The following CDK19 variants were observed in gnomAD, a reference collection of about 807,000 sequenced individuals.
CDK19 encodes the protein cyclin-dependent kinase 19.
A neutral mutation model predicts 68.3 loss-of-function variants in CDK19; 20 were observed. That is an observed-to-expected ratio of 0.29 (90% CI 0.21 to 0.43). The LOEUF (loss-of-function observed/expected upper bound fraction) is 0.43. CDK19 is among the 20% of genes least tolerant of loss of function. The probability of loss-of-function intolerance (pLI) is 1.00; values close to 1 mark genes in which losing one functional copy is unlikely to be tolerated. For synonymous variants in CDK19, 221 were observed against 222.8 expected (o/e 0.99, Z 0.07); for missense variants, 339 against 623.5 (o/e 0.54, Z 4.86).
At chr6:110,763,414 GTTT>G (rs1171650120) in intron 1 of CDK19, among the ~76,000 whole-genome samples, 4 of 120,006 alleles carry the variant, frequency 3.3e-5, no homozygotes, top group Admixed American at 8.6e-5. Context: ...CTCTTATTAT[GTTT>G]TTTTTTTTTT....
At chr6:110,800,331 T>C (rs1246688603) in intron 1 of CDK19, among the ~76,000 whole-genome samples, 1 of 152,110 alleles carries the variant, frequency 6.6e-6, no homozygotes, top group Non-Finnish European at 1.5e-5. Flanking sequence ...CAACCAAAAA[T>C]AGCCCTGGAC....
chr6:110,633,370 T>C (rs1779568199), intron 5 of CDK19, among the ~76,000 whole-genome samples: 1 of 152,190 alleles, frequency 6.6e-6, no homozygotes, highest in Non-Finnish European at 1.5e-5. Flanking sequence ...AATTCTGCAT[T>C]CAATGACAGC....
intron 2 of CDK19, among the ~76,000 whole-genome samples, chr6:110,696,531 C>T (rs1773499842): frequency 6.6e-6 from 1 of 152,142 alleles, no homozygotes; most frequent in African/African-American, 2.4e-5. Flanking sequence ...GAAAGGGCAT[C>T]CACATTGGTA....
chr6:110,781,300 C>T (rs969720216), intron 1 of CDK19, among the ~76,000 whole-genome samples: 8 of 151,998 alleles, frequency 5.3e-5, no homozygotes, highest in African/African-American at 1.4e-4. Context: ...GGAGGGATAT[C>T]CCAGATTCTT....
chr6:110,646,355 C>T lies in CDK19; in HGVS notation c.457-7649G>A, dbSNP rs1780575631. On this transcript the variant is annotated intron_variant, in intron 4 of 12. Transcript: ENST00000368911. Reference sequence around the variant, plus strand: ...ACGACGGCATGCACTTCGAGTGCCTCTTCCATGTGGGCGACAGCGCCAACG... The same window carrying T: ...ACGACGGCATGCACTTCGAGTGCCTTTTCCATGTGGGCGACAGCGCCAACG... 4 of 1,465,180 alleles carry T rather than the reference C, an allele frequency of 2.7e-6. No individual in the cohort carries two copies. In the Admixed American group the frequency reaches 1.0e-4, roughly 37 times the overall value. 90.8% of individuals were successfully genotyped at this position (1,465,180 alleles called of 1,614,324 possible).
At position 110,746,130 on chromosome 6, in the gene CDK19, A is replaced by G. The variant is rs1778060362; in HGVS notation, c.200T>C (p.Ile67Thr). The G allele has an allele frequency of 6.4e-7, 1 of 1,564,204 alleles. No homozygotes were observed. Among genetic ancestry groups the G allele is most frequent in the African/African-American group, 1.4e-5 (1 of 73,038 alleles). Residue 67 changes from isoleucine to threonine, a missense_variant, in exon 2 of 13, where the codon ATT becomes ACT. Ile to Thr is a moderately conservative substitution (Grantham distance 89). This residue lies in a region of CDK19 where 120 missense variants were observed against 224.0 expected (regional missense o/e 0.54). Transcript: ENST00000368911. ...ACTGTATTTGTATCCACTTACTGCA[A>G]TCTCTCTACAAGCCGACATGGATAT... ...TGISMSACREIALLRELKHPN... is the reference protein window; with the variant it reads ...TGISMSACRETALLRELKHPN...
chr6:110,787,317 T>C (rs1439009756), intron 1 of CDK19, among the ~76,000 whole-genome samples: 1 of 152,166 alleles, frequency 6.6e-6, no homozygotes, highest in Non-Finnish European at 1.5e-5. Flanking sequence ...GAGTTTGCAG[T>C]GAGTGGAGAT....
intron 2 of CDK19, among the ~76,000 whole-genome samples, chr6:110,683,174 CAAAAA>C (rs58912406): frequency 4.0e-5 from 2 of 49,578 alleles, no homozygotes; most frequent in South Asian, 7.7e-4. Context: ...AGACTGTCTC[CAAAAA>C]AAAAAAAAAA....
intron 1 of CDK19, among the ~76,000 whole-genome samples, chr6:110,759,267 T>A (rs536110325): frequency 3.1e-4 from 46 of 150,338 alleles, no homozygotes; most frequent in African/African-American, 1.0e-3. Flanking sequence ...TAGCCAGGCA[T>A]GGTGGCGGGT....
intron 2 of CDK19, among the ~76,000 whole-genome samples, chr6:110,712,837 G>T (rs145109254): frequency 6.6e-6 from 1 of 152,194 alleles, no homozygotes; most frequent in African/African-American, 2.4e-5. Context: ...TGAAACTAAC[G>T]GTAAGAAGTT....
At chr6:110,706,547 T>TG (rs1659681165) in intron 2 of CDK19, 2 of 152,006 alleles carry the variant, frequency 1.3e-5, no homozygotes, top group South Asian at 4.2e-4. Flanking sequence ...CCTAAGTAGC[T>TG]GGGATTACAG....
chr6:110,711,560 G>GA (rs199653777), intron 2 of CDK19, among the ~76,000 whole-genome samples: 16 of 148,526 alleles, frequency 1.1e-4, no homozygotes, highest in South Asian at 4.2e-4. Context: ...GTAGCAAAAA[G>GA]AAAAAAAAAA....
intron 12 of CDK19, among the ~76,000 whole-genome samples, chr6:110,617,856 C>CAAAAAA: frequency 5.8e-5 from 1 of 17,360 alleles, no homozygotes; most frequent in East Asian, 1.5e-3. Context: ...GACTCTGTCT[C>CAAAAAA]AAAAAAAAAA....
intron 2 of CDK19, among the ~76,000 whole-genome samples, chr6:110,727,248 G>A (rs746564067): frequency 2.0e-5 from 3 of 151,736 alleles, no homozygotes; most frequent in East Asian, 1.9e-4. Flanking sequence ...CCAGACCCTC[G>A]CCATACCCCT....
rs117175538 is a variant in CDK19, at chr6:110,641,709, T to C, written c.457-3003A>G. On this transcript the variant is annotated intron_variant, in intron 4 of 12. Coordinates refer to ENST00000368911, the MANE Select transcript of CDK19 (RefSeq NM_015076.5). The stretch of plus-strand genomic sequence containing the variant: ...AGGAGGGACAAGGCAGAGGGCAGAT[T>C]ATGAAAACTATCAATATAGAAAGAA... Among the ~76,000 whole-genome samples the C allele has an allele frequency of 8.4e-3, 1,209 of 143,584 alleles. 9 individuals are homozygous for C. The highest frequency in any genetic ancestry group is 0.013 in the Non-Finnish European group (829 of 65,252). 94.2% of individuals were successfully genotyped at this position (143,584 alleles called of 152,430 possible).
intron 1 of CDK19, among the ~76,000 whole-genome samples, chr6:110,781,153 C>T (rs1019827017): frequency 1.3e-5 from 2 of 152,102 alleles, no homozygotes; most frequent in Middle Eastern, 3.2e-3. Context: ...TTTTATTTGG[C>T]TCATGGTTCT....
At chr6:110,716,315 TA>T (rs901134622) in intron 2 of CDK19, among the ~76,000 whole-genome samples, 42 of 151,658 alleles carry the variant, frequency 2.8e-4, no homozygotes, top group African/African-American at 8.9e-4. Context: ...TTTCTATATA[TA>T]AAAAAAAGCA....
chr6:110,739,713 C>T (rs955103347), intron 2 of CDK19, among the ~76,000 whole-genome samples: 1 of 151,692 alleles, frequency 6.6e-6, no homozygotes, highest in Non-Finnish European at 1.5e-5. Context: ...TCACTGTAAC[C>T]TCTAACTCCT....
intron 2 of CDK19, among the ~76,000 whole-genome samples, chr6:110,693,328 G>C (rs1773187029): frequency 1.3e-5 from 2 of 152,242 alleles, no homozygotes; most frequent in South Asian, 4.1e-4. Flanking sequence ...TGAAAATCCA[G>C]ATCATGGGAG....
Sources: gnomAD v4.1 joint callset for allele counts (sites outside exome capture counted in the v4.1 genomes callset) on GRCh38, gnomAD v4.1.1 for gene constraint, gnomAD v4.1.1 regional missense constraint, MANE v1.5 for transcripts, NCBI Gene and HGNC (gene_info 2026-07-23, HGNC 2026-07-21) for gene names.